TMTC2: variants seen among roughly 807,000 people sequenced by gnomAD.
TMTC2 encodes protein O-mannosyl-transferase TMTC2.
A neutral mutation model predicts 82.4 loss-of-function variants in TMTC2; 43 were observed. The ratio of observed to expected loss-of-function variants is 0.52; its 90% confidence interval spans 0.41 to 0.67. The LOEUF (loss-of-function observed/expected upper bound fraction) is 0.67, where lower values mean the gene tolerates loss of function less well. TMTC2 is among the 30% of genes least tolerant of loss of function. The pLI, the probability that TMTC2 is intolerant of heterozygous loss-of-function variation, is 0.00. For missense variants in TMTC2, 919 were observed against 1,012.4 expected, an observed-to-expected ratio of 0.91 and a Z score of 1.25; for synonymous variants, 408 against 381.9, an observed-to-expected ratio of 1.07 and a Z score of -0.80.
At chr12:83,001,816 C>T (rs1879939339) in intron 8 of TMTC2, among the ~76,000 whole-genome samples, 1 of 152,124 alleles carries the variant, frequency 6.6e-6, no homozygotes, top group Non-Finnish European at 1.5e-5. Flanking sequence ...TCATCTCCAT[C>T]TGAGACCACC....
chr12:83,121,883 G>A (rs879676923), intron 11 of TMTC2, among the ~76,000 whole-genome samples: 1 of 152,102 alleles, frequency 6.6e-6, no homozygotes, highest in Non-Finnish European at 1.5e-5. Context: ...ATGTTCTTAG[G>A]AGGATTATGA....
At chr12:82,892,371 C>T (rs1160978431) in intron 2 of TMTC2, among the ~76,000 whole-genome samples, 2 of 151,860 alleles carry the variant, frequency 1.3e-5, no homozygotes, top group African/African-American at 4.8e-5. Flanking sequence ...TCTTTATAGC[C>T]CATTGTATTT....
At chr12:82,816,040 G>A (rs1868692772) in intron 1 of TMTC2, among the ~76,000 whole-genome samples, 1 of 151,942 alleles carries the variant, frequency 6.6e-6, no homozygotes, top group Admixed American at 6.6e-5. Flanking sequence ...ACTTGATATA[G>A]TAGTGGGTAT....
intron 4 of TMTC2, among the ~76,000 whole-genome samples, chr12:82,939,696 T>A (rs1372539910): frequency 6.6e-6 from 1 of 152,182 alleles, no homozygotes; most frequent in African/African-American, 2.4e-5. Flanking sequence ...TAAACACAGT[T>A]CATTGCTATG....
At chr12:82,947,503 C>T (rs556845847) in intron 4 of TMTC2, among the ~76,000 whole-genome samples, 3 of 149,510 alleles carry the variant, frequency 2.0e-5, no homozygotes, top group Non-Finnish European at 2.9e-5. Context: ...CCACCATGCC[C>T]GGCTAATTTT....
chr12:82,919,524 C>T (rs1301486622), intron 3 of TMTC2, among the ~76,000 whole-genome samples: 3 of 152,088 alleles, frequency 2.0e-5, no homozygotes, highest in Non-Finnish European at 2.9e-5. Context: ...AGTCCAGAGT[C>T]GTATCTAAAT....
At chr12:82,831,680 T>C (rs1229215077) in intron 1 of TMTC2, among the ~76,000 whole-genome samples, 3 of 152,048 alleles carry the variant, frequency 2.0e-5, no homozygotes, top group Non-Finnish European at 2.9e-5. Flanking sequence ...TTGGTGGTGG[T>C]GGTGGTGGTG....
intron 8 of TMTC2, among the ~76,000 whole-genome samples, chr12:83,030,435 A>G (rs1420866583): frequency 6.6e-6 from 1 of 152,132 alleles, no homozygotes; most frequent in Non-Finnish European, 1.5e-5. Flanking sequence ...AGAGGAAGCA[A>G]ATGAAAGGGA....
intron 7 of TMTC2, 40 bp downstream of exon 7, chr12:82,967,037 G>C (rs778181135): frequency 6.8e-7 from 1 of 1,481,130 alleles, no homozygotes; most frequent in Non-Finnish European, 9.3e-7. Flanking sequence ...ATATTTCAGG[G>C]ACCTGTGGAG....
chr12:82,740,631 C>T (rs750804859), intron 1 of TMTC2, among the ~76,000 whole-genome samples: 9 of 152,170 alleles, frequency 5.9e-5, no homozygotes, highest in Non-Finnish European at 7.3e-5. Context: ...AACCACAGCT[C>T]GCCTGAAGTA....
intron 1 of TMTC2, among the ~76,000 whole-genome samples, chr12:82,689,990 T>A (rs911185599): frequency 6.6e-6 from 1 of 152,230 alleles, no homozygotes; most frequent in African/African-American, 2.4e-5. Context: ...GAATGTGAAA[T>A]CTTAAGAGCA....
intron 10 of TMTC2, among the ~76,000 whole-genome samples, chr12:83,054,518 A>G (rs1432668940): frequency 6.6e-6 from 1 of 151,726 alleles, no homozygotes; most frequent in Non-Finnish European, 1.5e-5. Flanking sequence ...AATTATAAGT[A>G]ATTACACTTG....
chr12:82,966,880 T>C (rs539405566), intron 6 of TMTC2, 39 bp from the exon 7 acceptor site: 26 of 1,451,384 alleles, frequency 1.8e-5, no homozygotes, highest in Non-Finnish European at 2.5e-5. Context: ...CCCTGCACTT[T>C]ATTGATGATT....
intron 2 of TMTC2, among the ~76,000 whole-genome samples, chr12:82,859,067 A>ATT (rs1224587372): frequency 3.1e-4 from 40 of 130,496 alleles, no homozygotes; most frequent in African/African-American, 6.0e-4. Flanking sequence ...AAATATTGTG[A>ATT]TTTTTTTTTT....
At chr12:83,042,638 C>T (rs765375966) in intron 9 of TMTC2, among the ~76,000 whole-genome samples, 3 of 152,134 alleles carry the variant, frequency 2.0e-5, no homozygotes, top group East Asian at 3.9e-4. Flanking sequence ...TCTTCTTAGC[C>T]GGCAGAAATT....
rs961062755 is a variant in TMTC2 at position 82,967,034 on chromosome 12, A to T, written c.1948+37A>T. ...ATTAACACTTTTAAATTGATATTTCAGGGACCTGTGGAGAAACAGGAACCC... is the reference window on the plus strand; with the variant it reads ...ATTAACACTTTTAAATTGATATTTCTGGGACCTGTGGAGAAACAGGAACCC... On this transcript the variant is annotated intron_variant, in intron 7 of 11. Coordinates refer to ENST00000321196, the MANE Select transcript of TMTC2 (RefSeq NM_152588.3). The T allele has an allele frequency of 2.0e-6, 3 of 1,518,496 alleles. No individual in the cohort carries two copies. In the African/African-American group the frequency reaches 4.1e-5, roughly 21 times the overall value. The allele number at this position is 1,518,496 out of a possible 1,614,324, so 94.1% of individuals were successfully genotyped here.
intron 3 of TMTC2, among the ~76,000 whole-genome samples, chr12:82,921,031 G>GA (rs1437174388): frequency 6.6e-6 from 1 of 151,872 alleles, no homozygotes; most frequent in Non-Finnish European, 1.5e-5. Flanking sequence ...TCTCTGGTCT[G>GA]AAAAATATAT....
chr12:83,020,604 G>A (rs1880872749), intron 8 of TMTC2, among the ~76,000 whole-genome samples: 1 of 152,126 alleles, frequency 6.6e-6, no homozygotes, highest in Non-Finnish European at 1.5e-5. Context: ...TGAGATTATG[G>A]ATGGATAACC....
intron 11 of TMTC2, among the ~76,000 whole-genome samples, chr12:83,123,372 T>A (rs978195289): frequency 6.6e-5 from 10 of 152,350 alleles, no homozygotes; most frequent in African/African-American, 1.9e-4. Context: ...CCATGATCTG[T>A]CAGAATTTGC....
Sources: allele counts gnomAD v4.1 joint callset (sites outside exome capture counted in the v4.1 genomes callset), GRCh38; gene constraint gnomAD v4.1.1; transcripts MANE v1.5; gene names NCBI Gene and HGNC (gene_info 2026-07-23, HGNC 2026-07-21).